IFT25: variants seen among roughly 807,000 people sequenced by gnomAD.
The protein encoded by IFT25 is intraflagellar transport protein 25 homolog.
chr1:53,912,718 G>A, the IFT25 span, among the ~76,000 whole-genome samples: 2 of 152,192 alleles, frequency 1.3e-5, no homozygotes, highest in African/African-American at 4.8e-5. Flanking sequence ...AGAGGTTTGG[G>A]TTCAATTCCA....
At chr1:53,933,133 CTCTTTT>C in the IFT25 span, among the ~76,000 whole-genome samples, 1 of 143,812 alleles carries the variant, frequency 7.0e-6, no homozygotes. Flanking sequence ...CTTCCTTTTT[CTCTTTT>C]TTTTTTTTTT....
At chr1:53,929,217 TC>T in the IFT25 span, among the ~76,000 whole-genome samples, 3 of 152,158 alleles carry the variant, frequency 2.0e-5, no homozygotes, top group African/African-American at 7.2e-5. Context: ...CTCCACTCCC[TC>T]CCTGCTTCAG....
At chr1:53,935,184 C>T in the IFT25 span, among the ~76,000 whole-genome samples, 2 of 152,004 alleles carry the variant, frequency 1.3e-5, no homozygotes, top group African/African-American at 4.8e-5. Context: ...TGTGGTGGGG[C>T]CTGCCTTAAT....
the IFT25 span, chr1:53,928,597 A>T: frequency 1.8e-6 from 1 of 568,124 alleles, no homozygotes; most frequent in Non-Finnish European, 3.1e-6. Flanking sequence ...TGTTTCCAAA[A>T]AACCCTATGG....
the IFT25 span, chr1:53,939,960 A>T: frequency 3.7e-6 from 5 of 1,349,748 alleles, no homozygotes; most frequent in Non-Finnish European, 5.3e-6. Flanking sequence ...TAAGACTGTA[A>T]ACAACAAAGT....
the IFT25 span, among the ~76,000 whole-genome samples, chr1:53,933,265 A>G: frequency 0.015 from 2,254 of 151,484 alleles, 69 homozygotes; most frequent in African/African-American, 0.051. Context: ...CTCCCGAGTA[A>G]CTGGGACTAC....
the IFT25 span, among the ~76,000 whole-genome samples, chr1:53,934,631 T>C: frequency 6.6e-6 from 1 of 152,298 alleles, no homozygotes; most frequent in African/African-American, 2.4e-5. Context: ...ATCCATACAA[T>C]GAAATCTTGA....
the IFT25 span, among the ~76,000 whole-genome samples, chr1:53,926,826 G>A: frequency 6.6e-6 from 1 of 151,788 alleles, no homozygotes; most frequent in African/African-American, 2.4e-5. Flanking sequence ...GGGCTCAAGT[G>A]GTCCTTCCAT....
chr1:53,918,786 CTG>C, the IFT25 span, among the ~76,000 whole-genome samples: 7 of 152,268 alleles, frequency 4.6e-5, no homozygotes, highest in East Asian at 1.9e-4. Flanking sequence ...AGGAAGCATA[CTG>C]TGTTTGACTG....
the IFT25 span, among the ~76,000 whole-genome samples, chr1:53,944,517 T>C: frequency 0.24 from 35,969 of 152,040 alleles, 6,774 homozygotes; most frequent in African/African-American, 0.53. Flanking sequence ...TGGTGGCAGG[T>C]GCCTGTAATC....
chr1:53,928,050 G>C, the IFT25 span, among the ~76,000 whole-genome samples: 1 of 152,136 alleles, frequency 6.6e-6, no homozygotes, highest in Non-Finnish European at 1.5e-5. Flanking sequence ...AGGACAAAAG[G>C]AAAGAAGATG....
At chr1:53,934,163 G>C in the IFT25 span, among the ~76,000 whole-genome samples, 106 of 152,178 alleles carry the variant, frequency 7.0e-4, 1 homozygote, top group Admixed American at 1.2e-3. Flanking sequence ...TCTTCAACCT[G>C]CAGGATTTCC....
chr1:53,938,315 G>C, the IFT25 span, among the ~76,000 whole-genome samples: 1 of 152,172 alleles, frequency 6.6e-6, no homozygotes, highest in African/African-American at 2.4e-5. Context: ...TTGACTCATA[G>C]AAATAGTCTC....
the IFT25 span, among the ~76,000 whole-genome samples, chr1:53,938,812 C>T: frequency 3.9e-5 from 6 of 152,094 alleles, no homozygotes; most frequent in East Asian, 1.9e-4. Flanking sequence ...AGGGGGCTCA[C>T]GCCTGTAATC....
chr1:53,912,850 G>A, the IFT25 span, among the ~76,000 whole-genome samples: 10 of 152,346 alleles, frequency 6.6e-5, no homozygotes, highest in South Asian at 2.1e-4. Flanking sequence ...CTCATCTCCA[G>A]AGTTTACGAT....
At chr1:53,920,714 C>T in the IFT25 span, among the ~76,000 whole-genome samples, 1 of 152,144 alleles carries the variant, frequency 6.6e-6, no homozygotes, top group Admixed American at 6.6e-5. Context: ...CGCCTGCAAA[C>T]CCAATGCTTC....
chr1:53,924,304 CCAGCTACTAA>C, the IFT25 span, among the ~76,000 whole-genome samples: 1 of 152,076 alleles, frequency 6.6e-6, no homozygotes, highest in Non-Finnish European at 1.5e-5. Context: ...ATTTGAGGAT[CCAGCTACTAA>C]CAGAAAGGAG....
At chr1:53,944,120 TG>T in the IFT25 span, among the ~76,000 whole-genome samples, 5 of 152,234 alleles carry the variant, frequency 3.3e-5, no homozygotes, top group Non-Finnish European at 7.3e-5. Flanking sequence ...TTTCCTGTTT[TG>T]GGTAGAATTA....
the IFT25 span, among the ~76,000 whole-genome samples, chr1:53,932,478 C>T: frequency 3.0e-4 from 46 of 152,260 alleles, no homozygotes; most frequent in African/African-American, 1.0e-3. Context: ...TTTAATTACA[C>T]AGTGGTCAGA....
Sources: allele counts gnomAD v4.1 joint callset (sites outside exome capture counted in the v4.1 genomes callset), GRCh38; gene constraint gnomAD v4.1.1; transcripts MANE v1.5; gene names NCBI Gene and HGNC (gene_info 2026-07-23, HGNC 2026-07-21).